Variants in PLCXD2 observed in about 807,000 individuals in gnomAD.
The protein encoded by PLCXD2 is phosphatidylinositol specific phospholipase C X domain containing 2.
In PLCXD2, 21 loss-of-function variants were observed where a neutral mutation model predicts 28.6. The observed-to-expected ratio is 0.73, with a 90% CI of 0.52 to 1.06. The LOEUF (loss-of-function observed/expected upper bound fraction) is 1.06, where lower values mean the gene tolerates loss of function less well. Among genes scored for constraint, PLCXD2 ranks in the 50% least tolerant of loss-of-function variants. PLCXD2 has a pLI of 0.00. For missense variants in PLCXD2, 369 were observed against 376.7 expected (o/e 0.98, Z 0.17); for synonymous variants, 140 against 150.1 (o/e 0.93, Z 0.49).
intron 3 of PLCXD2, among the ~76,000 whole-genome samples, chr3:111,717,941 C>T (rs537219553): frequency 1.3e-5 from 2 of 152,208 alleles, no homozygotes; most frequent in Admixed American, 1.3e-4. Context: ...TTCTTACTCC[C>T]AGCCACCAAA....
intron 1 of PLCXD2, among the ~76,000 whole-genome samples, chr3:111,692,827 TC>T (rs1287712079): frequency 6.6e-6 from 1 of 152,086 alleles, no homozygotes; most frequent in African/African-American, 2.4e-5. Flanking sequence ...AAAGGTTCCC[TC>T]CCCCTCTGAC....
At chr3:111,710,027 G>A (rs1941178437) in intron 2 of PLCXD2, among the ~76,000 whole-genome samples, 1 of 152,194 alleles carries the variant, frequency 6.6e-6, no homozygotes, top group Non-Finnish European at 1.5e-5. Context: ...AGAGCCGACA[G>A]GGTTTCCTAA....
Position 111,708,361 on chromosome 3 carries a change from G to A in PLCXD2, c.599G>A (p.Arg200Gln), listed in dbSNP as rs201796337. The change falls in exon 2 of 5, where the codon CGA (arginine) becomes CAA (glutamine). Residue 200 changes from arginine (R) to glutamine (Q), a missense_variant. Arg to Gln is a conservative substitution (Grantham distance 43). Coordinates refer to ENST00000477665, the MANE Select transcript of PLCXD2 (RefSeq NM_001185106.1). ...TGCAGTGTGGAAAGTTTGACGCTGC[G>A]AACTCTGTGGGAGAAGAACTGCCAG... The A allele has an allele frequency of 2.3e-4, 372 of 1,613,732 alleles. 2 individuals carry two copies. The highest frequency in any genetic ancestry group is 2.8e-4 in the Non-Finnish European group (331 of 1,179,972).
intron 1 of PLCXD2, among the ~76,000 whole-genome samples, chr3:111,686,519 T>C (rs1225001941): frequency 6.6e-6 from 1 of 152,220 alleles, no homozygotes; most frequent in African/African-American, 2.4e-5. Context: ...AAGTATGATA[T>C]GTTGAGAAGA....
chr3:111,717,360 C>A lies in PLCXD2; in HGVS notation c.866+3232C>A, dbSNP rs73218267. 2.6e-3 allele frequency among the ~76,000 whole-genome samples: 395 copies of A among 152,258 alleles called. 2 individuals carry two copies. Among genetic ancestry groups the A allele is most frequent in the Middle Eastern group, 6.8e-3 (2 of 294 alleles). Reference sequence around the variant, plus strand: ...AAAGGGAAGTTTTTAACCTCCTGCTCTGCCATCCATGGGAACTGTTGCCTC... The same window carrying A: ...AAAGGGAAGTTTTTAACCTCCTGCTATGCCATCCATGGGAACTGTTGCCTC... On this transcript the variant is annotated intron_variant, in intron 3 of 4. Transcript: ENST00000477665.
At chr3:111,700,305 G>A (rs1437733791) in intron 1 of PLCXD2, among the ~76,000 whole-genome samples, 1 of 152,198 alleles carries the variant, frequency 6.6e-6, no homozygotes, top group Non-Finnish European at 1.5e-5. Flanking sequence ...ACTGTTGACT[G>A]TAAAAGAAAA....
At chr3:111,703,046 A>G (rs976124279) in intron 1 of PLCXD2, among the ~76,000 whole-genome samples, 1 of 152,248 alleles carries the variant, frequency 6.6e-6, no homozygotes, top group Non-Finnish European at 1.5e-5. Context: ...TCCATATGAC[A>G]TGAAAGCTTT....
rs796978403 is a variant in PLCXD2, at chr3:111,679,931, C to T, written c.163+4523C>T. Among the ~76,000 whole-genome samples the T allele has an allele frequency of 1.1e-4, 16 of 152,234 alleles. 1 individual carries two copies. Among genetic ancestry groups the T allele is most frequent in the African/African-American group, 3.9e-4 (16 of 41,528 alleles). On this transcript the variant is annotated intron_variant, in intron 1 of 4. Coordinates refer to ENST00000477665, the MANE Select transcript of PLCXD2 (RefSeq NM_001185106.1). Reference sequence around the variant, plus strand: ...TCTCCCAGATCTCATTTCTTGTTCCCCTCTTTGCTTTCTTTCCACTGACCT... The same window carrying T: ...TCTCCCAGATCTCATTTCTTGTTCCTCTCTTTGCTTTCTTTCCACTGACCT...
intron 1 of PLCXD2, among the ~76,000 whole-genome samples, chr3:111,690,275 C>A (rs2107846157): frequency 6.6e-6 from 1 of 152,252 alleles, no homozygotes; most frequent in Admixed American, 6.5e-5. Flanking sequence ...TCATCTGAGG[C>A]CATTTGCTCC....
rs193016400 is a variant in PLCXD2 at position 111,705,377 on chromosome 3, G to T, written c.164-2549G>T. Among the ~76,000 whole-genome samples, 193 of 152,274 alleles carry T rather than the reference G, an allele frequency of 1.3e-3. 1 individual carries two copies. Among genetic ancestry groups the T allele is most frequent in the African/African-American group, 4.4e-3 (181 of 41,546 alleles). On this transcript the variant is annotated intron_variant, in intron 1 of 4. Transcript: ENST00000477665. ...TTATGGATGAATAGTATTCCAGTAT[G>T]TGTTTATACCACATTTTTTATCCAT...
chr3:111,676,688 T>A (rs1940627655), intron 1 of PLCXD2: 1 of 152,248 alleles, frequency 6.6e-6, no homozygotes, highest in East Asian at 1.9e-4. Flanking sequence ...CATGTTTAAT[T>A]GGCGCCTGTG....
intron 2 of PLCXD2, among the ~76,000 whole-genome samples, chr3:111,713,654 A>G (rs1230941099): frequency 3.3e-5 from 5 of 152,234 alleles, no homozygotes; most frequent in Non-Finnish European, 7.3e-5. Context: ...ATTTTAATAT[A>G]CTTCCAAAGG....
intron 1 of PLCXD2, among the ~76,000 whole-genome samples, chr3:111,694,789 A>C (rs1940937883): frequency 1.3e-5 from 2 of 152,200 alleles, no homozygotes; most frequent in Non-Finnish European, 2.9e-5. Flanking sequence ...GAAGGGCCAG[A>C]GAGGTGTTCT....
chr3:111,694,978 T>C (rs1159900575), intron 1 of PLCXD2, among the ~76,000 whole-genome samples: 1 of 152,196 alleles, frequency 6.6e-6, no homozygotes, highest in African/African-American at 2.4e-5. Flanking sequence ...TCTCTAAACC[T>C]CAGGAATATA....
At position 111,708,455 on chromosome 3, in the gene PLCXD2, G is replaced by A. The variant is rs541013410; in HGVS notation, c.624+69G>A. 7.6e-5 allele frequency: 108 copies of A among 1,415,582 alleles called. 1 individual carries two copies. The highest frequency in any genetic ancestry group is 1.3e-4 in the African/African-American group (9 of 70,152). The allele number at this position is 1,415,582 out of a possible 1,614,324, so 87.7% of individuals were successfully genotyped here. On this transcript the variant is annotated intron_variant, in intron 2 of 4. Coordinates refer to ENST00000477665, the MANE Select transcript of PLCXD2 (RefSeq NM_001185106.1). ...CTCTTCCTGCTTTTCCTGTATTGCC[G>A]TCTGTAAAATCACTCAATCCAGGGC...
In PLCXD2 at chr3:111,714,126, TA is replaced by T; in HGVS notation, c.865del (p.Ser289AlafsTer12). 6.2e-7 allele frequency: 1 copy of T among 1,612,916 alleles called. No individual in the cohort carries two copies. Among genetic ancestry groups the T allele is most frequent in the Non-Finnish European group, 8.5e-7 (1 of 1,179,360 alleles). On this transcript the variant is annotated frameshift_variant and splice_region_variant, in exon 3 of 5. Transcript: ENST00000477665. LOFTEE classifies it high-confidence loss of function. ...GGGGCCTCAAGAACACGCTGGTTCA[TA>T]GGTAAGAATTTGCTTCCACCCCACA...
intron 2 of PLCXD2, among the ~76,000 whole-genome samples, chr3:111,710,934 A>G (rs922489317): frequency 1.3e-5 from 2 of 152,250 alleles, no homozygotes; most frequent in African/African-American, 2.4e-5. Context: ...GTGATGATCT[A>G]TCATAGTTTT....
rs1016127003 is a variant in PLCXD2, at chr3:111,675,705, T to C, written c.163+297T>C. Among the ~76,000 whole-genome samples, 4 of 152,252 alleles carry C rather than the reference T, an allele frequency of 2.6e-5. No homozygotes were observed. The East Asian group carries it at 7.7e-4, about 29-fold the overall frequency. ...AATATTATCCTTCTTACTGTTGTTATGTGTATGTGAGGGGTGCATTGTCTT... is the reference window on the plus strand; with the variant it reads ...AATATTATCCTTCTTACTGTTGTTACGTGTATGTGAGGGGTGCATTGTCTT... On this transcript the variant is annotated intron_variant, in intron 1 of 4. Coordinates refer to ENST00000477665, the MANE Select transcript of PLCXD2 (RefSeq NM_001185106.1).
At chr3:111,725,413 G>A (rs1040292499) in intron 3 of PLCXD2, 1 of 374,700 alleles carries the variant, frequency 2.7e-6, no homozygotes, top group South Asian at 1.5e-4. Flanking sequence ...AACTGTTTGA[G>A]TGATAAGTAA....
Sources: gnomAD v4.1 joint callset for allele counts (sites outside exome capture counted in the v4.1 genomes callset) on GRCh38, gnomAD v4.1.1 for gene constraint, MANE v1.5 for transcripts, NCBI Gene and HGNC (gene_info 2026-07-23, HGNC 2026-07-21) for gene names.